Variants in IPO9 observed in about 807,000 individuals in gnomAD.
IPO9 encodes the protein importin 9, also known as importin-9.
Under a neutral mutation model 128.6 loss-of-function variants are expected in IPO9, and 28 were observed. That is an observed-to-expected ratio of 0.22 (90% confidence interval 0.16 to 0.30). The LOEUF (loss-of-function observed/expected upper bound fraction) is 0.30. Ranked by LOEUF, IPO9 falls within the 10% of genes least tolerant of loss-of-function variation. IPO9 has a pLI of 1.00. For synonymous variants in IPO9, 455 were observed against 475.8 expected (o/e 0.96, Z 0.57); for missense variants, 935 against 1,293.9 (o/e 0.72, Z 4.26).
In IPO9 at chr1:201,879,369, A is replaced by G. The variant is rs1680841656; in HGVS notation, c.*3315A>G. The G allele has an allele frequency of 6.6e-6, 1 of 152,232 alleles. No homozygotes were observed. Among genetic ancestry groups the G allele is most frequent in the Admixed American group, 6.5e-5 (1 of 15,278 alleles). The allele number at this position is 152,232 out of a possible 1,614,324, so 9.4% of individuals were successfully genotyped here. ...AGAAGTTGGTAACTGACCACTAACT[A>G]ACAAACTATAAATTCACCCATTGTG... On this transcript the variant is annotated 3_prime_UTR_variant, in exon 24 of 24. Transcript: ENST00000361565.
chr1:201,876,107 G>A lies in IPO9; in HGVS notation c.*53G>A, dbSNP rs750829112. 3.2e-5 allele frequency: 39 copies of A among 1,229,714 alleles called. No individual in the cohort carries two copies. Among genetic ancestry groups the A allele is most frequent in the Non-Finnish European group, 4.6e-5 (38 of 829,388 alleles). 76.2% of individuals were successfully genotyped at this position (1,229,714 alleles called of 1,614,324 possible). ...TTCTGGGCCAGCCGCAAACCATTTT[G>A]CAGCCCTCACTGGCCTTGAGATGCA... On this transcript the variant is annotated 3_prime_UTR_variant, in exon 24 of 24. Transcript: ENST00000361565.
Position 201,876,734 on chromosome 1 carries a change from A to T in IPO9, c.*680A>T, listed in dbSNP as rs1372450333. 1 of 149,364 alleles carries T rather than the reference A, an allele frequency of 6.7e-6. No individual in the cohort carries two copies. Among genetic ancestry groups the T allele is most frequent in the Non-Finnish European group, 1.5e-5 (1 of 67,576 alleles). The allele number at this position is 149,364 out of a possible 1,614,324, so 9.3% of individuals were successfully genotyped here. ...ACACAAAATAAGCCAGACAGATGGCAATTTGATCTTCCTTTTTTAGAAAAA... is the reference window on the plus strand; with the variant it reads ...ACACAAAATAAGCCAGACAGATGGCTATTTGATCTTCCTTTTTTAGAAAAA... On this transcript the variant is annotated 3_prime_UTR_variant, in exon 24 of 24. Transcript: ENST00000361565.
intron 1 of IPO9, among the ~76,000 whole-genome samples, chr1:201,843,086 T>C (rs375732297): frequency 2.6e-5 from 4 of 152,224 alleles, no homozygotes; most frequent in African/African-American, 9.7e-5. Context: ...TGGTCTAGAT[T>C]GCAGGCAACA....
At chr1:201,836,077 AC>A in intron 1 of IPO9, among the ~76,000 whole-genome samples, 1 of 125,866 alleles carries the variant, frequency 7.9e-6, no homozygotes, top group Non-Finnish European at 1.6e-5. Context: ...ACACCACTGC[AC>A]TCCAGCCCTC....
At chr1:201,839,312 G>A (rs1679993965) in intron 1 of IPO9, among the ~76,000 whole-genome samples, 1 of 148,616 alleles carries the variant, frequency 6.7e-6, no homozygotes, top group Admixed American at 6.7e-5. Flanking sequence ...TGCCTCCCAG[G>A]CCCAAGTGAT....
intron 1 of IPO9, among the ~76,000 whole-genome samples, chr1:201,830,200 C>T (rs964486345): frequency 6.6e-6 from 1 of 152,232 alleles, no homozygotes; most frequent in Non-Finnish European, 1.5e-5. Flanking sequence ...GAGAAATCTT[C>T]TTGGTCTTTG....
At chr1:201,863,412 A>G (rs768926118) in intron 13 of IPO9, 36 bp from the exon 14 acceptor site, 2 of 1,508,270 alleles carry the variant, frequency 1.3e-6, no homozygotes, top group Non-Finnish European at 9.0e-7. Flanking sequence ...AGGAATTTTC[A>G]TTTTCCAGCC....
At chr1:201,839,063 G>C (rs950476980) in intron 1 of IPO9, among the ~76,000 whole-genome samples, 1 of 145,814 alleles carries the variant, frequency 6.9e-6, no homozygotes, top group Non-Finnish European at 1.5e-5. Context: ...GGGACTACAG[G>C]CGCCCGCCAC....
chr1:201,857,419 T>C (rs924312985), intron 11 of IPO9, among the ~76,000 whole-genome samples: 2 of 152,216 alleles, frequency 1.3e-5, no homozygotes, highest in Non-Finnish European at 2.9e-5. Flanking sequence ...AAAAGAATTG[T>C]GCAGACCATA....
At position 201,870,333 on chromosome 1, in the gene IPO9, C is replaced by A. The variant is rs1445882975; in HGVS notation, c.2134-250C>A. On this transcript the variant is annotated intron_variant, in intron 17 of 23. Coordinates refer to ENST00000361565, the MANE Select transcript of IPO9 (RefSeq NM_018085.5). This position sits in a 1 kb window ranked among gnomAD's most constrained non-coding sequence, Gnocchi z 4.9. ...AATTCATTTTGCTTGGCCATTGTCCCTTGTGATTAAAAAAATATATATACA... is the reference window on the plus strand; with the variant it reads ...AATTCATTTTGCTTGGCCATTGTCCATTGTGATTAAAAAAATATATATACA... 6.6e-6 allele frequency among the ~76,000 whole-genome samples: 1 copy of A among 152,028 alleles called. No homozygotes were observed. Among genetic ancestry groups the A allele is most frequent in the Non-Finnish European group, 1.5e-5 (1 of 68,010 alleles).
chr1:201,855,617 T>A (rs1198929428), intron 9 of IPO9, among the ~76,000 whole-genome samples, 166 bp from the exon 10 acceptor site: 1 of 152,242 alleles, frequency 6.6e-6, no homozygotes, highest in Non-Finnish European at 1.5e-5. Flanking sequence ...TCCTCAAAAT[T>A]ACGTTTTGTG....
chr1:201,864,329 C>T (rs529214940), intron 14 of IPO9, among the ~76,000 whole-genome samples: 1 of 152,310 alleles, frequency 6.6e-6, no homozygotes, highest in Non-Finnish European at 1.5e-5. Context: ...TAAACACCGT[C>T]CCATCTTTTT....
At position 201,854,837 on chromosome 1, in the gene IPO9, A is replaced by G. The variant is rs780594772; in HGVS notation, c.825A>G (p.Leu275=). 2 of 1,609,930 alleles carry G rather than the reference A, an allele frequency of 1.2e-6. No individual in the cohort carries two copies. Among genetic ancestry groups the G allele is most frequent in the South Asian group, 2.2e-5 (2 of 90,286 alleles). Residue 275 remains leucine, a synonymous_variant, in exon 8 of 24, where the codon CTA becomes CTG. Coordinates refer to ENST00000361565, the MANE Select transcript of IPO9 (RefSeq NM_018085.5). ...KMEVLKAVTA[L]VKNFPKHMVS... Reference sequence around the variant, plus strand: ...TAACTTCTTAGGCAGTGACAGCCCTAGTGAAAAACTTCCCAAAGCACATGG... The same window carrying G: ...TAACTTCTTAGGCAGTGACAGCCCTGGTGAAAAACTTCCCAAAGCACATGG...
Position 201,855,756 on chromosome 1 carries a change from ATTTCT to A in IPO9, c.971-25_971-21del, listed in dbSNP as rs1426805195. 2.1e-5 allele frequency: 34 copies of A among 1,590,088 alleles called. No homozygotes were observed. In the Admixed American group the frequency reaches 6.5e-4, roughly 31 times the overall value. The stretch of plus-strand genomic sequence containing the variant: ...CTTTCCTTTTGCTTTCTTGTCATTA[ATTTCT>A]TCTCTTCTGTATTTCCTGCAGGTGA... On this transcript the variant is annotated intron_variant, in intron 9 of 23. Transcript: ENST00000361565.
Position 201,870,128 on chromosome 1 carries a change from G to A in IPO9, c.2133+410G>A, listed in dbSNP as rs1022281738. On this transcript the variant is annotated intron_variant, in intron 17 of 23. Coordinates refer to ENST00000361565, the MANE Select transcript of IPO9 (RefSeq NM_018085.5). The surrounding 1 kb of genome is among the most constrained non-coding windows in gnomAD (Gnocchi z 4.9). ...GGGTGAATTGGTTACCTTTTCAGGT[G>A]TCTGCTACTGTGATTGATTAGAAAG... Among the ~76,000 whole-genome samples, 3 of 152,102 alleles carry A rather than the reference G, an allele frequency of 2.0e-5. No individual in the cohort carries two copies. The highest frequency in any genetic ancestry group is 2.9e-5 in the Non-Finnish European group (2 of 68,024).
At chr1:201,860,182 G>A (rs942298306) in intron 13 of IPO9, among the ~76,000 whole-genome samples, 3 of 151,914 alleles carry the variant, frequency 2.0e-5, no homozygotes, top group East Asian at 1.9e-4. Context: ...CTCCATTTTC[G>A]GTCCATTTAC....
intron 4 of IPO9, among the ~76,000 whole-genome samples, chr1:201,849,626 A>C (rs556614142): frequency 1.3e-5 from 2 of 152,364 alleles, no homozygotes; most frequent in South Asian, 4.1e-4. Context: ...CAATTTTGCT[A>C]GTCCATGTGA....
chr1:201,848,389 A>G lies in IPO9; in HGVS notation c.313-4A>G. 6.2e-7 allele frequency: 1 copy of G among 1,613,892 alleles called. No homozygotes were observed. Among genetic ancestry groups the G allele is most frequent in the South Asian group, 1.1e-5 (1 of 91,074 alleles). On this transcript the variant is annotated splice_polypyrimidine_tract_variant and splice_region_variant and intron_variant, in intron 3 of 23. Coordinates refer to ENST00000361565, the MANE Select transcript of IPO9 (RefSeq NM_018085.5). ...AATAGCAGGTGGACTTTTATCCCTTACAGGCAAAAATTGTTATCCGGGAGC... is the reference window on the plus strand; with the variant it reads ...AATAGCAGGTGGACTTTTATCCCTTGCAGGCAAAAATTGTTATCCGGGAGC...
In IPO9 at chr1:201,876,544, C is replaced by T; in HGVS notation, c.*490C>T. 4.6e-6 allele frequency: 1 copy of T among 217,436 alleles called. No individual in the cohort carries two copies. The highest frequency in any genetic ancestry group is 1.1e-4 in the East Asian group (1 of 9,104). 13.5% of individuals were successfully genotyped at this position (217,436 alleles called of 1,614,324 possible). On this transcript the variant is annotated 3_prime_UTR_variant, in exon 24 of 24. Coordinates refer to ENST00000361565, the MANE Select transcript of IPO9 (RefSeq NM_018085.5). ...CTGGACCACTGCTGCTCTGGGTTCTCAGGAGGAACAGGCAAGAGCAGCTTC... is the reference window on the plus strand; with the variant it reads ...CTGGACCACTGCTGCTCTGGGTTCTTAGGAGGAACAGGCAAGAGCAGCTTC...
Sources: allele counts gnomAD v4.1 joint callset (sites outside exome capture counted in the v4.1 genomes callset), GRCh38; gene constraint gnomAD v4.1.1; non-coding constraint Gnocchi (gnomAD v3.1); transcripts MANE v1.5; gene names NCBI Gene and HGNC (gene_info 2026-07-23, HGNC 2026-07-21).